EIF4H: variants seen among roughly 807,000 people sequenced by gnomAD.
The protein encoded by EIF4H is Williams-Beuren syndrome chromosome region 1.
A neutral mutation model predicts 30.6 loss-of-function variants in EIF4H; 8 were observed. The observed-to-expected ratio is 0.26, with a 90% CI of 0.15 to 0.47. The LOEUF (loss-of-function observed/expected upper bound fraction) is 0.47. EIF4H is among the 20% of genes least tolerant of loss of function. The pLI is 0.99. For missense variants in EIF4H, 188 were observed against 339.5 expected (o/e 0.55, Z 3.51); for synonymous variants, 106 against 122.7 (o/e 0.86, Z 0.90).
intron 1 of EIF4H, among the ~76,000 whole-genome samples, chr7:74,185,096 T>G (rs2115961234): frequency 6.6e-6 from 1 of 152,168 alleles, no homozygotes; most frequent in East Asian, 1.9e-4. Context: ...GCTCAGGTGA[T>G]CCTCCCACCT....
intron 2 of EIF4H, among the ~76,000 whole-genome samples, chr7:74,188,413 C>A (rs914978529): frequency 6.6e-6 from 1 of 152,182 alleles, no homozygotes; most frequent in Admixed American, 6.5e-5. Context: ...TGTGTAAGTG[C>A]ACGATGCTAG....
chr7:74,182,528 G>A (rs781967774), intron 1 of EIF4H, among the ~76,000 whole-genome samples: 1 of 152,098 alleles, frequency 6.6e-6, no homozygotes, highest in Non-Finnish European at 1.5e-5. Context: ...TACCCTTCTG[G>A]GCCCTACTTT....
At chr7:74,174,471 G>GAGT (rs1182979066) in intron 1 of EIF4H, 29 bp downstream of exon 1, 2 of 1,392,246 alleles carry the variant, frequency 1.4e-6, no homozygotes, top group African/African-American at 3.0e-5. Context: ...GGCCCCGTCG[G>GAGT]GGGCTGCGGG....
At chr7:74,187,932 T>A in intron 2 of EIF4H, 134 bp downstream of exon 2, 1 of 1,058,010 alleles carries the variant, frequency 9.5e-7, no homozygotes, top group Non-Finnish European at 1.3e-6. Flanking sequence ...CTGGTCTAAG[T>A]GGCCGAAAGA....
At chr7:74,185,950 AG>A (rs1359245412) in intron 1 of EIF4H, among the ~76,000 whole-genome samples, 1 of 151,924 alleles carries the variant, frequency 6.6e-6, no homozygotes, top group East Asian at 1.9e-4. Context: ...TTTCCTCCTG[AG>A]TTTTCCAAAC....
At chr7:74,179,861 G>A (rs1800919258) in intron 1 of EIF4H, among the ~76,000 whole-genome samples, 1 of 152,154 alleles carries the variant, frequency 6.6e-6, no homozygotes, top group African/African-American at 2.4e-5. Context: ...TATGTTGATG[G>A]ATACAGGTTT....
At chr7:74,184,586 AACTGTTTTTAACATT>A (rs1211176477) in intron 1 of EIF4H, among the ~76,000 whole-genome samples, 1 of 151,978 alleles carries the variant, frequency 6.6e-6, no homozygotes, top group African/African-American at 2.4e-5. Context: ...AATGAATTTA[AACTGTTTTTAACATT>A]GACCCTCCAT....
chr7:74,196,369 A>T lies in EIF4H; in HGVS notation c.*1061A>T, dbSNP rs1450654308. The T allele has an allele frequency of 2.0e-5, 3 of 152,614 alleles. No homozygotes were observed. The highest frequency in any genetic ancestry group is 4.4e-5 in the Non-Finnish European group (3 of 68,058). 9.5% of individuals were successfully genotyped at this position (152,614 alleles called of 1,614,324 possible). A position where few individuals can be genotyped will look rare whatever the true frequency, so the allele number is the denominator to read the frequency against. On this transcript the variant is annotated 3_prime_UTR_variant, in exon 7 of 7. Coordinates refer to ENST00000265753, the MANE Select transcript of EIF4H (RefSeq NM_022170.2). ...GGGTCTAGAATCTGGCACTTTACTC[A>T]TTTCCTTTGATAAATTGTACTATGC...
intron 1 of EIF4H, among the ~76,000 whole-genome samples, chr7:74,181,650 G>A (rs1800964994): frequency 6.6e-6 from 1 of 151,744 alleles, no homozygotes; most frequent in Non-Finnish European, 1.5e-5. Flanking sequence ...CTACATGTTG[G>A]TCAGGCTGGT....
chr7:74,192,292 C>T (rs1554710078), intron 5 of EIF4H, among the ~76,000 whole-genome samples: 1 of 152,196 alleles, frequency 6.6e-6, no homozygotes, highest in African/African-American at 2.4e-5. Context: ...GGCTTGTTCA[C>T]TGAACTGTGT....
At chr7:74,189,099 G>C (rs1192405602) in intron 2 of EIF4H, among the ~76,000 whole-genome samples, 2 of 152,110 alleles carry the variant, frequency 1.3e-5, no homozygotes, top group African/African-American at 2.4e-5. Flanking sequence ...AGCAAGGAAG[G>C]GGCAATGTCA....
intron 4 of EIF4H, 85 bp from the exon 5 acceptor site, chr7:74,190,159 AGTT>A (rs1801171491): frequency 7.3e-7 from 1 of 1,373,042 alleles, no homozygotes; most frequent in African/African-American, 1.4e-5. Context: ...CCATCACTTG[AGTT>A]GTATGTCTTC....
At chr7:74,190,382 C>A in intron 5 of EIF4H, 76 bp downstream of exon 5, 1 of 1,439,980 alleles carries the variant, frequency 6.9e-7, no homozygotes, top group Non-Finnish European at 9.8e-7. Context: ...TACGAGTAGC[C>A]CGCCTGGCCG....
In EIF4H at chr7:74,194,833, C is replaced by A. The variant is rs1554710473; in HGVS notation, c.562C>A (p.Pro188Thr). 1 of 1,603,766 alleles carries A rather than the reference C, an allele frequency of 6.2e-7. No individual in the cohort carries two copies. Among genetic ancestry groups the A allele is most frequent in the East Asian group, 2.2e-5 (1 of 44,478 alleles). Residue 188 changes from proline (P) to threonine (T), a missense_variant, in exon 6 of 7, where the codon CCT becomes ACT. Physicochemically the swap from Pro to Thr is conservative, Grantham distance 38 (BLOSUM62 -1). Coordinates refer to ENST00000265753, the MANE Select transcript of EIF4H (RefSeq NM_022170.2). ...CATGGGCAGCCGCTTCAGAGATGGC[C>A]CTCCCCTCCGTGGATCCAACATGGA... Reference protein sequence around the residue: ...PPMGSRFRDGPPLRGSNMDFR... With the variant: ...PPMGSRFRDGTPLRGSNMDFR...
At chr7:74,188,878 C>T (rs1554709511) in intron 2 of EIF4H, among the ~76,000 whole-genome samples, 1 of 152,114 alleles carries the variant, frequency 6.6e-6, no homozygotes, top group East Asian at 1.9e-4. Flanking sequence ...GGGGGGACAT[C>T]CCTCCAGCCA....
chr7:74,186,813 T>TGAGACGGAGTCTCTG (rs1801092667), intron 1 of EIF4H, among the ~76,000 whole-genome samples: 1 of 66,544 alleles, frequency 1.5e-5, no homozygotes, highest in Non-Finnish European at 2.9e-5. Flanking sequence ...TTTTTTTTTT[T>TGAGACGGAGTCTCTG]TTTTTTTTTT....
chr7:74,187,754 G>A lies in EIF4H; in HGVS notation c.203G>A (p.Arg68Lys), dbSNP rs782041823. Residue 68 changes from arginine (R) to lysine (K), a missense_variant, in exon 2 of 7, where the codon AGG becomes AAG. Coordinates refer to ENST00000265753, the MANE Select transcript of EIF4H (RefSeq NM_022170.2). ...IDAIFKDLSI[R>K]SVRLVRDKDT... is the part of the protein sequence containing the mutation. ...GCTATCTTTAAGGATCTCAGCATAAGGAGTGTACGGCTAGTCAGAGACAAA... is the reference window on the plus strand; with the variant it reads ...GCTATCTTTAAGGATCTCAGCATAAAGAGTGTACGGCTAGTCAGAGACAAA... 3 of 1,613,552 alleles carry A rather than the reference G, an allele frequency of 1.9e-6. No homozygotes were observed. In the Admixed American group the frequency reaches 5.0e-5, roughly 27 times the overall value.
chr7:74,179,084 G>A (rs574678466), intron 1 of EIF4H, among the ~76,000 whole-genome samples: 1 of 152,212 alleles, frequency 6.6e-6, no homozygotes, highest in Admixed American at 6.5e-5. Flanking sequence ...TAAATGTCTG[G>A]CTTAATAGAA....
In EIF4H at chr7:74,174,381, C is replaced by A. The variant is rs782513673; in HGVS notation, c.-3C>A. 6.9e-7 allele frequency: 1 copy of A among 1,457,410 alleles called. No homozygotes were observed. The highest frequency in any genetic ancestry group is 2.1e-5 in the Admixed American group (1 of 48,324). 90.3% of individuals were successfully genotyped at this position (1,457,410 alleles called of 1,614,324 possible). On this transcript the variant is annotated 5_prime_UTR_variant, in exon 1 of 7. Coordinates refer to ENST00000265753, the MANE Select transcript of EIF4H (RefSeq NM_022170.2). ...CTGGTTCCTCTCGGAGCGGAGACGG[C>A]AAATGGCGGACTTCGACACCTACGA...
Sources: allele counts gnomAD v4.1 joint callset (sites outside exome capture counted in the v4.1 genomes callset), GRCh38; gene constraint gnomAD v4.1.1; transcripts MANE v1.5; gene names NCBI Gene and HGNC (gene_info 2026-07-23, HGNC 2026-07-21).